NTRK1: variants seen among roughly 807,000 people sequenced by gnomAD.
The protein encoded by NTRK1 is high affinity nerve growth factor receptor.
NTRK1 carries 62 observed loss-of-function variants against 86.8 expected under a neutral mutation model. The ratio of observed to expected loss-of-function variants is 0.71; its 90% CI spans 0.58 to 0.88. The LOEUF is 0.88. Ranked by LOEUF, NTRK1 falls within the 40% of genes least tolerant of loss-of-function variation. NTRK1 has a pLI of 0.00. For synonymous variants in NTRK1, 469 were observed against 456.6 expected (o/e 1.03, Z -0.35); for missense variants, 967 against 1,078.4 (o/e 0.90, Z 1.45).
intron 2 of NTRK1, among the ~76,000 whole-genome samples, chr1:156,849,736 C>T (rs1206092949): frequency 2.6e-5 from 4 of 152,078 alleles, no homozygotes; most frequent in Admixed American, 6.6e-5. Context: ...CCTCGACTCT[C>T]TTTGAACTGA....
intron 2 of NTRK1, chr1:156,851,803 C>A (rs375265157): frequency 7.5e-6 from 12 of 1,602,280 alleles, no homozygotes; most frequent in Non-Finnish European, 8.5e-6. Flanking sequence ...CAGGAGCAAG[C>A]AGATGTCCTG....
chr1:156,857,163 ATGTGTGTGTGTGTGTG>A (rs57324546), upstream of NTRK1, among the ~76,000 whole-genome samples: 650 of 130,634 alleles, frequency 5.0e-3, 3 homozygotes, highest in Non-Finnish European at 7.1e-3. Flanking sequence ...GCAGCTGTGT[ATGTGTGTGTGTGTGTG>A]TGTGTGTGTG....
intron 2 of NTRK1, chr1:156,852,342 C>A: frequency 1.3e-6 from 1 of 769,642 alleles, no homozygotes; most frequent in Non-Finnish European, 2.1e-6. Context: ...CGACTCTGTT[C>A]CCCTCCGATG....
chr1:156,840,055 G>A (rs1654716103), intron 1 of NTRK1: 1 of 145,954 alleles, frequency 6.9e-6, no homozygotes. Flanking sequence ...GGCTGCCTGG[G>A]ACCAGGGTAC....
At chr1:156,845,089 G>T in intron 2 of NTRK1, 1 of 1,608,440 alleles carries the variant, frequency 6.2e-7, no homozygotes. Flanking sequence ...GGGGCATGGT[G>T]CGCGCAAAGA....
At chr1:156,850,534 C>CTTTTTTTTTTTTTTTT (rs35237064) in intron 2 of NTRK1, among the ~76,000 whole-genome samples, 1 of 58,618 alleles carries the variant, frequency 1.7e-5, no homozygotes, top group African/African-American at 5.6e-5. Flanking sequence ...TTAAAACATT[C>CTTTTTTTTTTTTTTTT]TTTTTTTTTT....
rs2102917515 is a variant in NTRK1 at position 156,876,149 on chromosome 1, T to G, written c.1571T>G (p.Val524Gly). 1 of 1,614,032 alleles carries G rather than the reference T, an allele frequency of 6.2e-7. No homozygotes were observed. The highest frequency in any genetic ancestry group is 8.5e-7 in the Non-Finnish European group (1 of 1,179,976). The change falls in exon 13 of 17, where the codon GTC becomes GGC. Residue 524 changes from valine (V) to glycine (G), a missense_variant. Transcript: ENST00000524377. ...WELGEGAFGK[V>G]FLAECHNLLP... ...CTGGGGGAGGGCGCCTTTGGGAAGG[T>G]CTTCCTTGCTGAGTGCCACAACCTC...
At chr1:156,843,759 C>G (rs1654886888) in intron 2 of NTRK1, among the ~76,000 whole-genome samples, 1 of 152,248 alleles carries the variant, frequency 6.6e-6, no homozygotes, top group Non-Finnish European at 1.5e-5. Flanking sequence ...CCCCATTTTC[C>G]TCTTGCAGTC....
chr1:156,875,963 A>G, intron 12 of NTRK1, 117 bp from the exon 13 acceptor site: 12 of 1,500,088 alleles, frequency 8.0e-6, no homozygotes, highest in Non-Finnish European at 1.0e-5. Flanking sequence ...TTTAGCCCCC[A>G]TGCAGTCCCT....
chr1:156,817,843 G>A (rs1356694244), intron 1 of NTRK1, among the ~76,000 whole-genome samples: 3 of 152,044 alleles, frequency 2.0e-5, no homozygotes, highest in African/African-American at 7.2e-5. Context: ...GGGTTTCACC[G>A]TGTTGGCCAG....
chr1:156,844,815 C>G, intron 2 of NTRK1: 1 of 1,614,106 alleles, frequency 6.2e-7, no homozygotes, highest in Non-Finnish European at 8.5e-7. Flanking sequence ...CCTCCCAGGC[C>G]ACCTTTCCTG....
intron 1 of NTRK1, chr1:156,816,876 T>A: frequency 1.9e-6 from 1 of 531,730 alleles, no homozygotes; most frequent in Non-Finnish European, 3.1e-6. Context: ...TGGAAAGCCT[T>A]AAGACGATTG....
chr1:156,879,223 C>A lies in NTRK1; in HGVS notation c.1907C>A (p.Ala636Glu), dbSNP rs771421920. 6.2e-7 allele frequency: 1 copy of A among 1,614,018 alleles called. No homozygotes were observed. The highest frequency in any genetic ancestry group is 8.5e-7 in the Non-Finnish European group (1 of 1,180,006). ...CTGGCCGTGGCTAGCCAGGTCGCTG[C>A]GGGGATGGTGTACCTGGCGGGTCTG... ...QLLAVASQVAAGMVYLAGLHF... is the reference protein window; with the variant it reads ...QLLAVASQVAEGMVYLAGLHF... The change falls in exon 15 of 17, where the codon GCG (alanine) becomes GAG (glutamate). Residue 636 changes from alanine (A) to glutamate (E), a missense_variant. Around this residue, in one of 2 missense-constraint regions of NTRK1, gnomAD observed 637 missense variants for 776.5 expected, o/e 0.82. Transcript: ENST00000524377.
intron 13 of NTRK1, 37 bp from the exon 14 acceptor site, chr1:156,876,363 C>T (rs751640772): frequency 3.3e-5 from 53 of 1,612,790 alleles, no homozygotes; most frequent in Non-Finnish European, 4.2e-5. Context: ...GAGGGCTCGG[C>T]CCCCAACTCA....
intron 2 of NTRK1, chr1:156,843,445 AC>A: frequency 1.9e-6 from 3 of 1,614,172 alleles, no homozygotes; most frequent in Non-Finnish European, 2.5e-6. Flanking sequence ...GCGCTGAAGT[AC>A]TCTGGATTCA....
At chr1:156,841,271 C>A (rs537019000) in intron 1 of NTRK1, 1 of 1,053,172 alleles carries the variant, frequency 9.5e-7, no homozygotes, top group Non-Finnish European at 1.4e-6. Flanking sequence ...AGGGGGGTGG[C>A]GCTCATAGCT....
In NTRK1 at chr1:156,844,203, C is replaced by T. The variant is rs771422531; in HGVS notation, c.50+2010C>T. 6.8e-6 allele frequency: 11 copies of T among 1,613,804 alleles called. No individual in the cohort carries two copies. The Admixed American group carries it at 1.8e-4, about 27-fold the overall frequency. Reference sequence around the variant, plus strand: ...TTCTTGCCGTAGAAGAAACCAAGGGCAGCAAGAACGATGAGCAGCGTGAGC... The same window carrying T: ...TTCTTGCCGTAGAAGAAACCAAGGGTAGCAAGAACGATGAGCAGCGTGAGC... On this transcript the variant is annotated intron_variant, in intron 2 of 16. Coordinates refer to the NTRK1 transcript ENST00000392302.
intron 3 of NTRK1, among the ~76,000 whole-genome samples, chr1:156,865,767 G>A (rs550541224): frequency 3.9e-5 from 6 of 152,228 alleles, no homozygotes; most frequent in African/African-American, 1.4e-4. Context: ...GCCTTCTGAG[G>A]GCAGGAGTTC....
At chr1:156,881,433 C>T (rs2102930398) in intron 16 of NTRK1, 24 bp from the exon 17 acceptor site, 1 of 1,551,732 alleles carries the variant, frequency 6.4e-7, no homozygotes, top group Non-Finnish European at 8.7e-7. Flanking sequence ...TGGGCTTTCT[C>T]CTCTGTCTCT....
Sources: gnomAD v4.1 joint callset for allele counts (sites outside exome capture counted in the v4.1 genomes callset) on GRCh38, gnomAD v4.1.1 for gene constraint, gnomAD v4.1.1 regional missense constraint, MANE v1.5 for transcripts, NCBI Gene and HGNC (gene_info 2026-07-23, HGNC 2026-07-21) for gene names.